The following DAB1 variants were observed in gnomAD, a reference collection of about 807,000 sequenced individuals.
DAB1 encodes the protein disabled homolog 1.
A neutral mutation model predicts 64.6 loss-of-function variants in DAB1; 15 were observed. The observed-to-expected ratio is 0.23, with a 90% CI of 0.16 to 0.36. The LOEUF (loss-of-function observed/expected upper bound fraction) is 0.36. Ranked by LOEUF, DAB1 falls within the 10% of genes least tolerant of loss-of-function variation. The pLI, the probability that DAB1 is intolerant of heterozygous loss-of-function variation, is 1.00. For missense variants in DAB1, 596 were observed against 706.7 expected (o/e 0.84, Z 1.78); for synonymous variants, 235 against 251.9 (o/e 0.93, Z 0.64).
chr1:58,160,375 C>G (rs569461680), intron 4 of DAB1, among the ~76,000 whole-genome samples: 1 of 152,128 alleles, frequency 6.6e-6, no homozygotes, highest in Admixed American at 6.5e-5. Context: ...TTTGGGGCCT[C>G]CTATCATGTA....
intron 6 of DAB1, among the ~76,000 whole-genome samples, chr1:57,765,785 T>C (rs1649284378): frequency 6.6e-6 from 1 of 152,146 alleles, no homozygotes; most frequent in Admixed American, 6.6e-5. Context: ...GCTACTCCTT[T>C]GTATTTTTAT....
At chr1:57,772,343 A>G (rs1164792809) in intron 6 of DAB1, among the ~76,000 whole-genome samples, 2 of 152,174 alleles carry the variant, frequency 1.3e-5, no homozygotes, top group African/African-American at 4.8e-5. Flanking sequence ...AGTTCTTTGC[A>G]AAATTGTGTT....
intron 5 of DAB1, among the ~76,000 whole-genome samples, chr1:57,950,500 C>T (rs1458017294): frequency 1.3e-5 from 2 of 152,160 alleles, no homozygotes; most frequent in Non-Finnish European, 2.9e-5. Flanking sequence ...ACTTCTAAAA[C>T]ATAAATGGGA....
chr1:58,310,892 T>C (rs1445513844), intron 4 of DAB1, among the ~76,000 whole-genome samples: 1 of 152,118 alleles, frequency 6.6e-6, no homozygotes. Flanking sequence ...AAAGGTAACC[T>C]AGGCATCATT....
At chr1:57,746,431 A>C (rs1479333135) in intron 6 of DAB1, among the ~76,000 whole-genome samples, 2 of 152,034 alleles carry the variant, frequency 1.3e-5, no homozygotes, top group Non-Finnish European at 2.9e-5. Flanking sequence ...ATTTTTTGTT[A>C]TTATTTCAAT....
intron 5 of DAB1, among the ~76,000 whole-genome samples, chr1:58,110,961 G>A (rs181175128): frequency 4.2e-4 from 64 of 152,204 alleles, no homozygotes; most frequent in Non-Finnish European, 6.6e-4. Context: ...TCTTCATTAG[G>A]GTAAGAATTT....
At chr1:57,625,065 G>A (rs931544595) in intron 7 of DAB1, among the ~76,000 whole-genome samples, 11 of 152,070 alleles carry the variant, frequency 7.2e-5, no homozygotes, top group African/African-American at 2.7e-4. Flanking sequence ...TGTTAAAGAC[G>A]GATGCTGGGA....
At chr1:58,306,650 C>A (rs867337143) in intron 4 of DAB1, among the ~76,000 whole-genome samples, 1 of 152,232 alleles carries the variant, frequency 6.6e-6, no homozygotes, top group South Asian at 2.1e-4. Context: ...CCACCTCCAC[C>A]CAATGGGGAA....
rs1415738005 is a variant in DAB1, at chr1:57,291,019, C to T, written c.12G>A (p.Glu4=). Residue 4 remains glutamate (E), a synonymous_variant, in exon 2 of 15, where the codon GAG becomes GAA. Transcript: ENST00000371236. MST[E]TELQVAVKTS... is the part of the protein sequence containing the mutation. ...TTTTCACAGCTACTTGAAGTTCTGT[C>T]TCAGTTGACATCCTACTTAATCCTT... The T allele has an allele frequency of 1.2e-6, 2 of 1,611,452 alleles. No homozygotes were observed. The highest frequency in any genetic ancestry group is 1.7e-6 in the Non-Finnish European group (2 of 1,178,650).
At chr1:57,360,210 G>C (rs745802891) in intron 1 of DAB1, among the ~76,000 whole-genome samples, 2 of 151,620 alleles carry the variant, frequency 1.3e-5, no homozygotes, top group African/African-American at 4.9e-5. Context: ...AATGTTAGCT[G>C]TCAATTTTAA....
intron 9 of DAB1, chr1:57,033,615 C>T (rs1251078112): frequency 1.3e-6 from 2 of 1,561,738 alleles, no homozygotes; most frequent in Non-Finnish European, 1.8e-6. Flanking sequence ...AAGTGAATGA[C>T]ACACAAATGA....
At chr1:57,696,555 C>T (rs1180345914) in intron 6 of DAB1, among the ~76,000 whole-genome samples, 1 of 152,136 alleles carries the variant, frequency 6.6e-6, no homozygotes, top group Admixed American at 6.5e-5. Flanking sequence ...GAGAGGAACT[C>T]AGCTACAACC....
chr1:58,420,319 C>G (rs1644760072), intron 3 of DAB1, among the ~76,000 whole-genome samples: 1 of 152,264 alleles, frequency 6.6e-6, no homozygotes, highest in South Asian at 2.1e-4. Flanking sequence ...ACCTCACCAT[C>G]AATACTCAAA....
intron 7 of DAB1, among the ~76,000 whole-genome samples, chr1:57,559,756 C>T (rs984073203): frequency 1.3e-5 from 2 of 152,168 alleles, no homozygotes; most frequent in African/African-American, 4.8e-5. Context: ...GGCTCCCTGA[C>T]TGGTAGGGTG....
chr1:57,359,539 A>T (rs1453460305), intron 1 of DAB1, among the ~76,000 whole-genome samples: 1 of 152,058 alleles, frequency 6.6e-6, no homozygotes, highest in Non-Finnish European at 1.5e-5. Flanking sequence ...GGGGTTCCTT[A>T]AAAACTTAAA....
At chr1:57,060,537 G>A (rs1650283468) in intron 9 of DAB1, among the ~76,000 whole-genome samples, 1 of 152,108 alleles carries the variant, frequency 6.6e-6, no homozygotes, top group Non-Finnish European at 1.5e-5. Flanking sequence ...GGTAATACGA[G>A]GACCCCAGGA....
At chr1:57,783,596 A>G (rs34541848) in intron 6 of DAB1, among the ~76,000 whole-genome samples, 10,081 of 152,160 alleles carry the variant, frequency 0.066, 1,164 homozygotes, top group African/African-American at 0.23. Flanking sequence ...GCCTTAGCAG[A>G]TACTGTATTT....
At chr1:58,047,427 C>T (rs901615495) in intron 5 of DAB1, among the ~76,000 whole-genome samples, 5 of 152,106 alleles carry the variant, frequency 3.3e-5, no homozygotes, top group Admixed American at 2.0e-4. Context: ...GGTGGGCCTT[C>T]GCTGCTGCTG....
chr1:57,188,462 A>C (rs1339240669), intron 2 of DAB1, among the ~76,000 whole-genome samples: 1 of 152,232 alleles, frequency 6.6e-6, no homozygotes, highest in Non-Finnish European at 1.5e-5. Flanking sequence ...TAATGAAAAT[A>C]AGCAAGACCA....
Sources: gnomAD v4.1 joint callset for allele counts (sites outside exome capture counted in the v4.1 genomes callset) on GRCh38, gnomAD v4.1.1 for gene constraint, MANE v1.5 for transcripts, NCBI Gene and HGNC (gene_info 2026-07-23, HGNC 2026-07-21) for gene names.